The following MACROD2 variants were observed in gnomAD, a reference collection of about 807,000 sequenced individuals.
The protein encoded by MACROD2 is ADP-ribose glycohydrolase MACROD2.
A neutral mutation model predicts 70.4 loss-of-function variants in MACROD2; 36 were observed. That is an observed-to-expected ratio of 0.51 (90% CI 0.39 to 0.68). MACROD2 has a LOEUF of 0.68. Ranked by LOEUF, MACROD2 falls within the 30% of genes least tolerant of loss-of-function variation. MACROD2 has a pLI of 0.00. For missense variants in MACROD2, 496 were observed against 538.4 expected, an observed-to-expected ratio of 0.92 and a Z score of 0.78; for synonymous variants, 172 against 178.8, an observed-to-expected ratio of 0.96 and a Z score of 0.30.
At chr20:15,296,122 C>T (rs1187501410) in intron 6 of MACROD2, among the ~76,000 whole-genome samples, 1 of 152,144 alleles carries the variant, frequency 6.6e-6, no homozygotes, top group Non-Finnish European at 1.5e-5. Context: ...TGGTAAATTT[C>T]TTTACCACCT....
chr20:16,040,306 C>T (rs1336605200), intron 15 of MACROD2, among the ~76,000 whole-genome samples: 1 of 151,826 alleles, frequency 6.6e-6, no homozygotes, highest in Non-Finnish European at 1.5e-5. Context: ...GCTTTTTTCT[C>T]ATCAATAGGC....
chr20:14,425,164 A>G (rs1353817845), intron 3 of MACROD2, among the ~76,000 whole-genome samples: 1 of 152,194 alleles, frequency 6.6e-6, no homozygotes, highest in Non-Finnish European at 1.5e-5. Flanking sequence ...TCTTTCACCC[A>G]GTGTTAGCTT....
chr20:14,801,265 C>A (rs969698596), intron 5 of MACROD2, among the ~76,000 whole-genome samples: 2 of 152,102 alleles, frequency 1.3e-5, no homozygotes, highest in South Asian at 4.1e-4. Context: ...GCAGTGACAG[C>A]GTGCTTCTCT....
chr20:14,170,663 G>A (rs1186069097), intron 3 of MACROD2, among the ~76,000 whole-genome samples: 1 of 152,104 alleles, frequency 6.6e-6, no homozygotes, highest in East Asian at 1.9e-4. Flanking sequence ...AGTTGCATAT[G>A]TTAAACCATC....
chr20:14,813,798 A>C (rs979836296), intron 5 of MACROD2, among the ~76,000 whole-genome samples: 22 of 151,932 alleles, frequency 1.4e-4, no homozygotes, highest in Non-Finnish European at 2.8e-4. Context: ...GATTGATTAC[A>C]TTATTGGCCA....
At chr20:14,139,132 A>G (rs1439079584) in intron 3 of MACROD2, among the ~76,000 whole-genome samples, 1 of 152,212 alleles carries the variant, frequency 6.6e-6, no homozygotes, top group East Asian at 1.9e-4. Context: ...TATGATAAAC[A>G]CAGCAAAATA....
At chr20:15,782,714 T>C (rs1273700032) in intron 8 of MACROD2, among the ~76,000 whole-genome samples, 1 of 40,324 alleles carries the variant, frequency 2.5e-5, no homozygotes, top group South Asian at 5.0e-4. Context: ...GATAGAGAAA[T>C]GGCAAAAAAA....
chr20:15,830,433 T>C (rs2064042723), intron 8 of MACROD2, among the ~76,000 whole-genome samples: 1 of 152,246 alleles, frequency 6.6e-6, no homozygotes, highest in Non-Finnish European at 1.5e-5. Flanking sequence ...CAGGGTTTTA[T>C]CTTTGTCTCA....
At chr20:14,455,920 A>G (rs988066259) in intron 3 of MACROD2, among the ~76,000 whole-genome samples, 3 of 151,772 alleles carry the variant, frequency 2.0e-5, no homozygotes, top group Non-Finnish European at 4.4e-5. Flanking sequence ...TTCATGTATC[A>G]TCTAAAAATT....
At chr20:14,139,485 A>G (rs901895490) in intron 3 of MACROD2, among the ~76,000 whole-genome samples, 4 of 152,168 alleles carry the variant, frequency 2.6e-5, no homozygotes, top group Non-Finnish European at 4.4e-5. Flanking sequence ...ATCTGTTCCT[A>G]TTTTATGGAT....
chr20:14,929,825 G>C (rs2074275966), intron 5 of MACROD2, among the ~76,000 whole-genome samples: 1 of 152,062 alleles, frequency 6.6e-6, no homozygotes, highest in Non-Finnish European at 1.5e-5. Context: ...AAGCTCTTCT[G>C]TCATGAACAG....
intron 5 of MACROD2, among the ~76,000 whole-genome samples, chr20:15,083,855 A>G (rs1319652127): frequency 6.6e-6 from 1 of 152,136 alleles, no homozygotes; most frequent in East Asian, 1.9e-4. Flanking sequence ...CTATTCAAAC[A>G]TAGACCACCA....
chr20:15,177,522 C>T (rs1423910363), intron 5 of MACROD2, among the ~76,000 whole-genome samples: 1 of 151,768 alleles, frequency 6.6e-6, no homozygotes, highest in Non-Finnish European at 1.5e-5. Flanking sequence ...TTGACTCATT[C>T]ATCGCCATTG....
intron 8 of MACROD2, among the ~76,000 whole-genome samples, chr20:15,631,292 TA>T (rs1366225165): frequency 2.0e-5 from 3 of 152,204 alleles, no homozygotes; most frequent in Admixed American, 6.5e-5. Context: ...TCCACTGGAC[TA>T]ATGAATATGA....
chr20:14,649,739 A>G (rs1985579890), intron 4 of MACROD2, among the ~76,000 whole-genome samples: 3 of 152,172 alleles, frequency 2.0e-5, no homozygotes, highest in South Asian at 2.1e-4. Context: ...ATAGATCCCT[A>G]AAGAGTTTGC....
chr20:14,194,203 G>A (rs1046865869), intron 3 of MACROD2, among the ~76,000 whole-genome samples: 5 of 152,122 alleles, frequency 3.3e-5, no homozygotes, highest in Non-Finnish European at 5.9e-5. Context: ...GAAGGTCTGT[G>A]GGTGGGTAAG....
At chr20:15,683,483 A>T (rs1175074443) in intron 8 of MACROD2, among the ~76,000 whole-genome samples, 2 of 152,250 alleles carry the variant, frequency 1.3e-5, no homozygotes, top group African/African-American at 2.4e-5. Context: ...GAAAATTAAC[A>T]TAACCCTGTA....
At chr20:14,962,510 GCTCT>G (rs550218484) in intron 5 of MACROD2, among the ~76,000 whole-genome samples, 34 of 144,380 alleles carry the variant, frequency 2.4e-4, no homozygotes, top group South Asian at 1.8e-3. Context: ...ACAGAATTTT[GCTCT>G]CTCTCTCTCT....
chr20:15,934,514 C>T (rs946410828), intron 11 of MACROD2, among the ~76,000 whole-genome samples: 4 of 152,096 alleles, frequency 2.6e-5, no homozygotes, highest in African/African-American at 9.7e-5. Flanking sequence ...CCAACCCACA[C>T]ATTCTGCTCC....
Sources: allele counts gnomAD v4.1 joint callset (sites outside exome capture counted in the v4.1 genomes callset), GRCh38; gene constraint gnomAD v4.1.1; transcripts MANE v1.5; gene names NCBI Gene and HGNC (gene_info 2026-07-23, HGNC 2026-07-21).